The following SCML2 variants were observed in gnomAD, a reference collection of about 807,000 sequenced individuals.
SCML2 encodes the protein Scm polycomb group protein like 2, also known as sex comb on midleg-like protein 2.
In SCML2, 6 loss-of-function variants were observed where a neutral mutation model predicts 48.4. That is an observed-to-expected ratio of 0.12 (90% confidence interval 0.07 to 0.24). SCML2 has a LOEUF of 0.24. Ranked by LOEUF, SCML2 falls within the 10% of genes least tolerant of loss-of-function variation. SCML2 has a pLI of 1.00. For synonymous variants in SCML2, 181 were observed against 189.5 expected (o/e 0.95, Z 0.37); for missense variants, 377 against 528.2 (o/e 0.71, Z 2.81).
chrX:18,302,486 C>T (rs1482125607), intron 7 of SCML2, among the ~76,000 whole-genome samples: 1 of 111,304 alleles, frequency 9.0e-6, no homozygotes, highest in Non-Finnish European at 1.9e-5. Context: ...TTCGAACCCA[C>T]GGATTCAAAC....
chrX:18,265,979 A>G (rs891129854), intron 7 of SCML2, among the ~76,000 whole-genome samples, 177 bp from the exon 8 acceptor site: 4 of 112,180 alleles, frequency 3.6e-5, no homozygotes, highest in African/African-American at 1.3e-4. Context: ...CTAAGATTTC[A>G]TATTATTTGA....
chrX:18,264,561 G>C (rs1186093185), intron 8 of SCML2, among the ~76,000 whole-genome samples: 3 of 106,774 alleles, frequency 2.8e-5, no homozygotes, highest in Non-Finnish European at 5.8e-5. Flanking sequence ...GTTATACTTG[G>C]GTCTGTCTCA....
At chrX:18,269,000 G>A (rs1927354970) in intron 7 of SCML2, among the ~76,000 whole-genome samples, 1 of 111,003 alleles carries the variant, frequency 9.0e-6, no homozygotes, top group Non-Finnish European at 1.9e-5. Flanking sequence ...AAGCCCTTGA[G>A]GGAATTCCCT....
rs374539361 is a variant in SCML2 at position 18,241,353 on chromosome X, T to A, written c.2001A>T (p.Leu667=). 1.3e-5 allele frequency: 15 copies of A among 1,182,611 alleles called. No individual in the cohort carries two copies. The highest frequency in any genetic ancestry group is 1.7e-5 in the Non-Finnish European group (15 of 880,428). Residue 667 remains leucine (L), a synonymous_variant, in exon 15 of 15, where the codon CTA becomes CTT. Coordinates refer to ENST00000251900, the MANE Select transcript of SCML2 (RefSeq NM_006089.3). ...ACTTCATCATCACATCACTCTTGAG[T>A]AGGAACAGAGCCTTCCCATCAATTT... is the stretch of plus-strand genomic sequence containing the variant. ...QHEIDGKALF[L]LKSDVMMKYM...
At position 18,310,616 on chromosome X, in the gene SCML2, C is replaced by T. The variant is rs770314980; in HGVS notation, c.487-5401G>A. On this transcript the variant is annotated intron_variant, in intron 6 of 14. Coordinates refer to ENST00000251900, the MANE Select transcript of SCML2 (RefSeq NM_006089.3). ...TTCATTTCTATTTTATTTTATTTTA[C>T]TTTTACTTTTATAAAAGACAGGGTC... Among the ~76,000 whole-genome samples the T allele has an allele frequency of 5.6e-5, 6 of 107,937 alleles. No individual in the cohort carries two copies. In the East Asian group the frequency reaches 1.4e-3, roughly 26 times the overall value. The allele number at this position is 107,937 out of a possible 115,157, so 93.7% of individuals were successfully genotyped here.
rs201767229 is a variant in SCML2 at position 18,330,672 on chromosome X, T to C, written c.23-17A>G. On this transcript the variant is annotated splice_polypyrimidine_tract_variant and intron_variant, in intron 2 of 14. Transcript: ENST00000251900. ...CCATGGAATCTAATAAAAAAGAAAA[T>C]AGCAATACTGGGAGTCCACAGCAAC... is the stretch of plus-strand genomic sequence containing the variant. 6.0e-5 allele frequency: 62 copies of C among 1,039,670 alleles called. No individual in the cohort carries two copies. The highest frequency in any genetic ancestry group is 4.0e-4 in the East Asian group (13 of 32,446). 85.7% of individuals were successfully genotyped at this position (1,039,670 alleles called of 1,213,427 possible). A position where few individuals can be genotyped will look rare whatever the true frequency, so the allele number is the denominator to read the frequency against.
intron 1 of SCML2, among the ~76,000 whole-genome samples, chrX:18,345,068 T>C (rs1930156742): frequency 8.9e-6 from 1 of 111,741 alleles, no homozygotes. Context: ...TGTCCATTAA[T>C]GTTCATTTGA....
chrX:18,271,563 T>A lies in SCML2; in HGVS notation c.731-5761A>T, dbSNP rs182119845. Among the ~76,000 whole-genome samples the A allele has an allele frequency of 5.5e-3, 593 of 108,671 alleles. 3 individuals carry two copies. Among genetic ancestry groups the A allele is most frequent in the African/African-American group, 0.018 (543 of 29,814 alleles). 94.4% of individuals were successfully genotyped at this position (108,671 alleles called of 115,157 possible). Reference sequence around the variant, plus strand: ...GGGACTCTTGTTTAGAAAAAAAAAATCAGATGTGAAAGCATGTTTATAGGG... The same window carrying A: ...GGGACTCTTGTTTAGAAAAAAAAAAACAGATGTGAAAGCATGTTTATAGGG... On this transcript the variant is annotated intron_variant, in intron 7 of 14. Transcript: ENST00000251900.
At chrX:18,350,301 G>A (rs1930332145) in intron 1 of SCML2, among the ~76,000 whole-genome samples, 1 of 108,582 alleles carries the variant, frequency 9.2e-6, no homozygotes, top group African/African-American at 3.4e-5. Flanking sequence ...GGCCAGATTC[G>A]GTGGCTCATG....
chrX:18,330,096 A>G (rs1229806410), intron 3 of SCML2, among the ~76,000 whole-genome samples: 3 of 111,407 alleles, frequency 2.7e-5, no homozygotes, highest in East Asian at 5.7e-4. Flanking sequence ...AAGAAGAAAA[A>G]ACGTCTAAGA....
At chrX:18,338,934 A>G (rs1929926259) in intron 1 of SCML2, among the ~76,000 whole-genome samples, 1 of 102,301 alleles carries the variant, frequency 9.8e-6, no homozygotes, top group African/African-American at 3.7e-5. Flanking sequence ...AAAAAAAAAA[A>G]GAAAGAAAAG....
chrX:18,341,868 C>G (rs1420100595), intron 1 of SCML2, among the ~76,000 whole-genome samples: 1 of 112,122 alleles, frequency 8.9e-6, no homozygotes, highest in Non-Finnish European at 1.9e-5. Flanking sequence ...CTGTAACTCA[C>G]CTGTCTTTCA....
At chrX:18,297,235 C>T (rs1350676560) in intron 7 of SCML2, among the ~76,000 whole-genome samples, 2 of 112,062 alleles carry the variant, frequency 1.8e-5, no homozygotes, top group African/African-American at 6.5e-5. Flanking sequence ...CACTACTCAA[C>T]ATAATAAAGG....
At chrX:18,301,259 G>A (rs1049409074) in intron 7 of SCML2, among the ~76,000 whole-genome samples, 6 of 110,743 alleles carry the variant, frequency 5.4e-5, no homozygotes, top group African/African-American at 9.9e-5. Flanking sequence ...TTAACTGAGC[G>A]TGATGGTGGG....
At chrX:18,308,636 A>T (rs2147526142) in intron 6 of SCML2, among the ~76,000 whole-genome samples, 1 of 111,370 alleles carries the variant, frequency 9.0e-6, no homozygotes, top group African/African-American at 3.3e-5. Context: ...CCAAAAAAAT[A>T]ACAAATGTTG....
At chrX:18,327,238 G>A (rs918774438) in intron 3 of SCML2, among the ~76,000 whole-genome samples, 3 of 110,074 alleles carry the variant, frequency 2.7e-5, no homozygotes, top group Non-Finnish European at 3.8e-5. Context: ...GCATCGTGGC[G>A]GGTGCCTCCC....
At chrX:18,335,012 G>A (rs1929765946) in intron 1 of SCML2, among the ~76,000 whole-genome samples, 1 of 110,984 alleles carries the variant, frequency 9.0e-6, no homozygotes, top group South Asian at 3.8e-4. Context: ...AGCAGTTCAA[G>A]ATCAGCCTGG....
chrX:18,242,500 T>C lies in SCML2; in HGVS notation c.1913A>G (p.Gln638Arg). The change falls in exon 14 of 15, where the codon CAG (glutamine) becomes CGG (arginine). Residue 638 changes from glutamine to arginine, a missense_variant. Gln to Arg is a conservative substitution (Grantham distance 43, BLOSUM62 1). Coordinates refer to ENST00000251900, the MANE Select transcript of SCML2 (RefSeq NM_006089.3). ...PSTWSVDEVI[Q>R]FMKHTDPQIS... ...CTGAGGATCTGTATGTTTCATAAAC[T>C]GTATCACTTCATCCACAGACCAGGT... 1 of 1,207,997 alleles carries C rather than the reference T, an allele frequency of 8.3e-7. No individual in the cohort carries two copies. Among genetic ancestry groups the C allele is most frequent in the Non-Finnish European group, 1.1e-6 (1 of 894,309 alleles).
chrX:18,302,245 G>A (rs115747488), intron 7 of SCML2, among the ~76,000 whole-genome samples: 4,422 of 110,338 alleles, frequency 0.04, 220 homozygotes, highest in African/African-American at 0.14. Flanking sequence ...TACTAAGACC[G>A]CTAACGAGTT....
Sources: gnomAD v4.1 joint callset for allele counts (sites outside exome capture counted in the v4.1 genomes callset) on GRCh38, gnomAD v4.1.1 for gene constraint, MANE v1.5 for transcripts, NCBI Gene and HGNC (gene_info 2026-07-23, HGNC 2026-07-21) for gene names.